The following HR variants were observed in gnomAD, a reference collection of about 807,000 sequenced individuals.
HR encodes the protein lysine-specific demethylase hairless.
A neutral mutation model predicts 128.6 loss-of-function variants in HR; 83 were observed. The observed-to-expected ratio is 0.65, with a 90% CI of 0.54 to 0.77. HR has a LOEUF of 0.77. HR is among the 30% of genes least tolerant of loss of function. HR has a pLI of 0.00. For synonymous variants in HR, 681 were observed against 658.2 expected (o/e 1.03, Z -0.53); for missense variants, 1,490 against 1,574.6 (o/e 0.95, Z 0.91).
rs151065215 is a variant in HR at position 22,117,251 on chromosome 8, G to C, written c.3214-212C>G. 3.9e-4 allele frequency: 216 copies of C among 555,898 alleles called. 1 individual carries two copies. The highest frequency in any genetic ancestry group is 1.9e-3 in the South Asian group (75 of 38,872). The allele number at this position is 555,898 out of a possible 1,614,324, so 34.4% of individuals were successfully genotyped here. On this transcript the variant is annotated intron_variant, in intron 16 of 18. Transcript: ENST00000381418. ...CATTTGGCTGGAAGGAGCTTAGAAGGAAGGGATTCAAGGCCCTACAGTTGG... is the reference window on the plus strand; with the variant it reads ...CATTTGGCTGGAAGGAGCTTAGAAGCAAGGGATTCAAGGCCCTACAGTTGG...
Position 22,116,481 on chromosome 8 carries a change from G to A in HR, c.3379-53C>T, listed in dbSNP as rs2131748767. On this transcript the variant is annotated intron_variant, in intron 17 of 18. Coordinates refer to ENST00000381418, the MANE Select transcript of HR (RefSeq NM_005144.5). This position sits in a 1 kb window ranked among gnomAD's most constrained non-coding sequence, Gnocchi z 4.2. ...GCTCAAGATCACACATCCTCTCCCT[G>A]TCCCCCTGGTCCCTGAGGTTCGCTT... The A allele has an allele frequency of 6.3e-7, 1 of 1,585,370 alleles. No homozygotes were observed. The highest frequency in any genetic ancestry group is 8.6e-7 in the Non-Finnish European group (1 of 1,165,800).
chr8:22,128,675 A>G lies in HR; in HGVS notation c.496T>C (p.Tyr166His). 6.3e-7 allele frequency: 1 copy of G among 1,586,270 alleles called. No homozygotes were observed. Among genetic ancestry groups the G allele is most frequent in the Non-Finnish European group, 8.6e-7 (1 of 1,166,690 alleles). ...PFWVPTCLPP[Y>H]LVSGLPPEHP... ...TCTGGGGGCAGGCCAGACACTAGGT[A>G]GGGTGGCAAGCAGGTGGGCACCCAG... The change falls in exon 2 of 19, where the codon TAC becomes CAC. Residue 166 changes from tyrosine to histidine, a missense_variant. By Grantham distance (83) the Tyr-to-His change is moderately conservative. Transcript: ENST00000381418.
chr8:22,130,951 A>C lies in HR; in HGVS notation c.-564T>G, dbSNP rs1827037596. 1 of 151,132 alleles carries C rather than the reference A, an allele frequency of 6.6e-6. No homozygotes were observed. Among genetic ancestry groups the C allele is most frequent in the African/African-American group, 2.5e-5 (1 of 40,660 alleles). The allele number at this position is 151,132 out of a possible 1,614,324, so 9.4% of individuals were successfully genotyped here. ...CAGCACCGCGCAGCGCGGCTAATGG[A>C]GGTAGAGCGCGGCGGAGAGCGCAGC... is the stretch of plus-strand genomic sequence containing the variant. On this transcript the variant is annotated 5_prime_UTR_variant, in exon 1 of 19. Coordinates refer to ENST00000381418, the MANE Select transcript of HR (RefSeq NM_005144.5).
At position 22,121,237 on chromosome 8, in the gene HR, G is replaced by A; in HGVS notation, c.2204-9C>T. On this transcript the variant is annotated splice_polypyrimidine_tract_variant and intron_variant, in intron 9 of 18. Coordinates refer to ENST00000381418, the MANE Select transcript of HR (RefSeq NM_005144.5). The stretch of plus-strand genomic sequence containing the variant: ...AGCGGAATCGGGGGTCTCTGTCAGG[G>A]AGGAAGATGGTGGGGGGCTTCGCGT... 6.2e-7 allele frequency: 1 copy of A among 1,613,250 alleles called. No homozygotes were observed.
chr8:22,128,193 A>G (rs1241853773), intron 2 of HR: 2 of 507,580 alleles, frequency 3.9e-6, no homozygotes, highest in African/African-American at 1.9e-5. Context: ...GAGGTACCCT[A>G]GACATGGGCC....
chr8:22,122,207 A>G (rs1356131816), intron 8 of HR, among the ~76,000 whole-genome samples: 2 of 152,180 alleles, frequency 1.3e-5, no homozygotes, highest in Non-Finnish European at 2.9e-5. Flanking sequence ...ACCTGGCCAT[A>G]CCAACAAGCA....
At position 22,127,349 on chromosome 8, in the gene HR, C is replaced by A; in HGVS notation, c.1093G>T (p.Ala365Ser). 1 of 1,613,366 alleles carries A rather than the reference C, an allele frequency of 6.2e-7. No individual in the cohort carries two copies. The highest frequency in any genetic ancestry group is 1.1e-5 in the South Asian group (1 of 91,088). ...GGGGGACAGGCCCTGGGGCCAGAGG[C>A]CTTGTTCACTTCCTCGCTGGGTTCG... ...ASEPSEEVNK[A>S]SGPRACPPSH... is the part of the protein sequence containing the mutation. The change falls in exon 3 of 19, where the codon GCC becomes TCC. Residue 365 changes from alanine to serine, a missense_variant. Physicochemically the swap from Ala to Ser is moderately conservative, Grantham distance 99. Coordinates refer to ENST00000381418, the MANE Select transcript of HR (RefSeq NM_005144.5).
chr8:22,119,365 T>C (rs1826675898), intron 14 of HR, 82 bp from the exon 15 acceptor site: 2 of 1,589,036 alleles, frequency 1.3e-6, no homozygotes, highest in African/African-American at 1.3e-5. Context: ...TCCTGGCACT[T>C]TGGGAGGCCC....
rs552218948 is a variant in HR at position 22,120,358 on chromosome 8, G to T, written c.2760C>A (p.Gly920=). ...SSLGSTTFWE[G]FSWPELRPKS... ...GACACTTACGCTCAGGCCAGGAGAA[G>T]CCCTCCCAGAATGTTGTGCTGCCCA... The change falls in exon 12 of 19, where the codon GGC becomes GGA. Residue 920 remains glycine (G), a synonymous_variant. Coordinates refer to ENST00000381418, the MANE Select transcript of HR (RefSeq NM_005144.5). The T allele has an allele frequency of 5.0e-6, 8 of 1,613,848 alleles. No individual in the cohort carries two copies. The South Asian group carries it at 8.8e-5, about 18-fold the overall frequency.
chr8:22,115,579 G>A lies in HR; in HGVS notation c.*121C>T, dbSNP rs1755932145. 12 of 850,002 alleles carry A rather than the reference G, an allele frequency of 1.4e-5. No individual in the cohort carries two copies. The highest frequency in any genetic ancestry group is 1.3e-4 in the South Asian group (9 of 71,248). 52.7% of individuals were successfully genotyped at this position (850,002 alleles called of 1,614,324 possible). On this transcript the variant is annotated 3_prime_UTR_variant, in exon 19 of 19. Coordinates refer to ENST00000381418, the MANE Select transcript of HR (RefSeq NM_005144.5). ...GAGTGCCCTGCTTGTGCCCAGAGTG[G>A]TGCTTGTGGGGTTGACCAGAAATCC...
chr8:22,127,840 G>A lies in HR; in HGVS notation c.613-11C>T. Reference sequence around the variant, plus strand: ...CTTGTAGTAAAAGCCCTAAAGAGGGGAGAAAGTGTTACGCTTCAGCTGACT... The same window carrying A: ...CTTGTAGTAAAAGCCCTAAAGAGGGAAGAAAGTGTTACGCTTCAGCTGACT... On this transcript the variant is annotated splice_polypyrimidine_tract_variant and intron_variant, in intron 2 of 18. Coordinates refer to ENST00000381418, the MANE Select transcript of HR (RefSeq NM_005144.5). The A allele has an allele frequency of 2.5e-6, 4 of 1,598,460 alleles. No individual in the cohort carries two copies. Among genetic ancestry groups the A allele is most frequent in the Non-Finnish European group, 3.4e-6 (4 of 1,179,898 alleles).
At chr8:22,118,321 C>G (rs971440351) in intron 16 of HR, 2 of 154,822 alleles carry the variant, frequency 1.3e-5, no homozygotes, top group African/African-American at 2.4e-5. Flanking sequence ...CTTCTTGCCT[C>G]CAGCCCACCC....
intron 5 of HR, 131 bp downstream of exon 5, chr8:22,125,179 TC>T: frequency 1.2e-6 from 1 of 865,052 alleles, no homozygotes; most frequent in Non-Finnish European, 1.8e-6. Context: ...CTTCCTGATG[TC>T]CCCACCCAGG....
Position 22,115,597 on chromosome 8 carries a change from A to C in HR, c.*103T>G, listed in dbSNP as rs1826564960. On this transcript the variant is annotated 3_prime_UTR_variant, in exon 19 of 19. Coordinates refer to ENST00000381418, the MANE Select transcript of HR (RefSeq NM_005144.5). The stretch of plus-strand genomic sequence containing the variant: ...CAGAGTGGTGCTTGTGGGGTTGACC[A>C]GAAATCCCCAAGTCCCCTAGCGCCA... 28 of 1,024,960 alleles carry C rather than the reference A, an allele frequency of 2.7e-5. No individual in the cohort carries two copies. The South Asian group carries it at 3.4e-4, about 12-fold the overall frequency. The allele number at this position is 1,024,960 out of a possible 1,614,324, so 63.5% of individuals were successfully genotyped here.
chr8:22,123,617 T>TCACCCCC, intron 6 of HR, 32 bp downstream of exon 6: 17 of 292,092 alleles, frequency 5.8e-5, no homozygotes, highest in Middle Eastern at 1.3e-3. Flanking sequence ...GAGGGCTCCA[T>TCACCCCC]CCCGCCCTCC....
In HR at chr8:22,130,834, T is replaced by A. The variant is rs986677724; in HGVS notation, c.-447A>T. 1 of 150,758 alleles carries A rather than the reference T, an allele frequency of 6.6e-6. No individual in the cohort carries two copies. Among genetic ancestry groups the A allele is most frequent in the East Asian group, 2.0e-4 (1 of 5,056 alleles). 9.3% of individuals were successfully genotyped at this position (150,758 alleles called of 1,614,324 possible). A position where few individuals can be genotyped will look rare whatever the true frequency, so the allele number is the denominator to read the frequency against. On this transcript the variant is annotated 5_prime_UTR_variant, in exon 1 of 19. Transcript: ENST00000381418. The stretch of plus-strand genomic sequence containing the variant: ...GCGCCCCGGGTCGGAGATGGCCGAG[T>A]TGGGGGAAAGGCCGAGGGGCCGGGG...
At position 22,115,722 on chromosome 8, in the gene HR, C is replaced by T. The variant is rs1358388557; in HGVS notation, c.3548G>A (p.Gly1183Glu). The change falls in exon 19 of 19, where the codon GGG becomes GAG. Residue 1183 changes from glycine to glutamate, a missense_variant. Physicochemically the swap from Gly to Glu is moderately conservative, Grantham distance 98. Transcript: ENST00000381418. ...AVFQAVKVAV[G>E]TLQEAK ...CCTCTATTTGGCCTCCTGTAATGTC[C>T]CCACGGCCACCTTCACTGCTTGGAA... is the stretch of plus-strand genomic sequence containing the variant. The T allele has an allele frequency of 1.9e-6, 3 of 1,613,932 alleles. No individual in the cohort carries two copies. The South Asian group carries it at 3.3e-5, about 18-fold the overall frequency.
chr8:22,118,958 G>A lies in HR; in HGVS notation c.3205C>T (p.Leu1069Phe). ...CCCGGCTGCCTCCTCACCATCTGGA[G>A]AAAGCGGCGGATGCGCTGGGCGTCC... ...AQDAQRIRRF[L>F]QMVCPAGAGA... The change falls in exon 16 of 19, where the codon CTC becomes TTC. Residue 1069 changes from leucine to phenylalanine, a missense_variant. This residue lies in a region of HR where 423 missense variants were observed against 495.9 expected (regional missense o/e 0.85). Transcript: ENST00000381418. 1 of 1,611,456 alleles carries A rather than the reference G, an allele frequency of 6.2e-7. No individual in the cohort carries two copies. Among genetic ancestry groups the A allele is most frequent in the Non-Finnish European group, 8.5e-7 (1 of 1,179,932 alleles).
chr8:22,126,090 C>T (rs59878937), intron 3 of HR, among the ~76,000 whole-genome samples: 2,616 of 152,272 alleles, frequency 0.017, 68 homozygotes, highest in African/African-American at 0.058. Flanking sequence ...CCACTGGCTG[C>T]GTGACATGAG....
Sources: gnomAD v4.1 joint callset for allele counts (sites outside exome capture counted in the v4.1 genomes callset) on GRCh38, gnomAD v4.1.1 for gene constraint, gnomAD v4.1.1 regional missense constraint, Gnocchi (gnomAD v3.1) non-coding constraint, MANE v1.5 for transcripts, NCBI Gene and HGNC (gene_info 2026-07-23, HGNC 2026-07-21) for gene names.